ABI2: variants seen among roughly 807,000 people sequenced by gnomAD.
The protein encoded by ABI2 is abelson interactor 2.
A neutral mutation model predicts 59.2 loss-of-function variants in ABI2; 25 were observed. The observed-to-expected ratio is 0.42, with a 90% CI of 0.31 to 0.59. ABI2 has a LOEUF of 0.59. Ranked by LOEUF, ABI2 falls within the 20% of genes least tolerant of loss-of-function variation. The probability of loss-of-function intolerance (pLI) is 0.14; values close to 1 mark genes in which losing one functional copy is unlikely to be tolerated. For synonymous variants in ABI2, 213 were observed against 235.5 expected (o/e 0.90, Z 0.87); for missense variants, 545 against 681.8 (o/e 0.80, Z 2.23).
intron 10 of ABI2, among the ~76,000 whole-genome samples, chr2:203,413,231 T>C (rs2097754612): frequency 6.6e-6 from 1 of 152,166 alleles, no homozygotes; most frequent in Admixed American, 6.5e-5. Context: ...ACACGAATGT[T>C]TGTATAGCAA....
chr2:203,375,943 G>T, intron 2 of ABI2: 2 of 747,488 alleles, frequency 2.7e-6, no homozygotes, highest in Admixed American at 5.1e-5. Flanking sequence ...CAATACTGCA[G>T]TTCAACCCCG....
rs2098447001 is a variant in ABI2 at position 203,427,227 on chromosome 2, C to G, written c.1504C>G (p.Gln502Glu). 1 of 1,613,882 alleles carries G rather than the reference C, an allele frequency of 6.2e-7. No individual in the cohort carries two copies. The highest frequency in any genetic ancestry group is 8.5e-7 in the Non-Finnish European group (1 of 1,180,006). The change falls in exon 12 of 12, where the codon CAG becomes GAG. Residue 502 changes from glutamine (Q) to glutamate (E), a missense_variant. By Grantham distance (29) the Gln-to-Glu change is conservative. Around this residue, in one of 4 missense-constraint regions of ABI2, gnomAD observed 44 missense variants for 106.4 expected, o/e 0.41. Transcript: ENST00000261018. ...TKDKEDELSF[Q>E]EGAIIYVIKK... ...AGACAAGGAAGATGAGCTGTCCTTT[C>G]AGGAAGGAGCCATTATTTATGTCAT...
At chr2:203,415,270 A>C (rs2097845315) in intron 10 of ABI2, among the ~76,000 whole-genome samples, 1 of 152,194 alleles carries the variant, frequency 6.6e-6, no homozygotes, top group South Asian at 2.1e-4. Flanking sequence ...AATACTGATA[A>C]GACAGCATGG....
chr2:203,375,222 A>G (rs1389432215), intron 2 of ABI2, among the ~76,000 whole-genome samples: 4 of 152,216 alleles, frequency 2.6e-5, no homozygotes, highest in Admixed American at 6.5e-5. Flanking sequence ...GTCCTATACA[A>G]TTGCAGTGAT....
At position 203,348,920 on chromosome 2, in the gene ABI2, TTTTGTTTG is replaced by T. The variant is rs377359440; in HGVS notation, c.118-17937_118-17930del. On this transcript the variant is annotated intron_variant, in intron 1 of 11. Coordinates refer to ENST00000261018, the MANE Select transcript of ABI2 (RefSeq NM_001375670.1). ...CTTGCTGAAGGTGTTTTTTTTTGTT[TTTTGTTTG>T]TTTGTTTGTTTGTTTGTTTTTGAGA... 9.9e-4 allele frequency among the ~76,000 whole-genome samples: 151 copies of T among 152,052 alleles called. 2 individuals carry two copies. In the East Asian group the frequency reaches 0.018, roughly 18 times the overall value.
At chr2:203,351,609 C>T (rs1472685513) in intron 1 of ABI2, 7 of 433,330 alleles carry the variant, frequency 1.6e-5, no homozygotes, top group Non-Finnish European at 3.2e-5. Context: ...GATCATAGCT[C>T]ACTGCAGCCT....
intron 2 of ABI2, among the ~76,000 whole-genome samples, chr2:203,376,799 A>T (rs2095732289): frequency 7.2e-6 from 1 of 138,532 alleles, no homozygotes; most frequent in African/African-American, 2.7e-5. Context: ...TTGTGTGTAT[A>T]TGAAGAGAAC....
chr2:203,379,113 A>G (rs1049808881), intron 2 of ABI2, among the ~76,000 whole-genome samples: 1 of 152,218 alleles, frequency 6.6e-6, no homozygotes, highest in African/African-American at 2.4e-5. Flanking sequence ...TTGTAATTAC[A>G]ATACATTCTT....
intron 11 of ABI2, among the ~76,000 whole-genome samples, chr2:203,424,906 C>T (rs1372248585): frequency 6.6e-6 from 1 of 152,096 alleles, no homozygotes; most frequent in Non-Finnish European, 1.5e-5. Flanking sequence ...CAGTCTCACT[C>T]TGTTACCCAG....
Position 203,380,259 on chromosome 2 carries a change from A to T in ABI2, c.337A>T (p.Thr113Ser), listed in dbSNP as rs369306670. 2.5e-6 allele frequency: 4 copies of T among 1,599,312 alleles called. No homozygotes were observed. Among genetic ancestry groups the T allele is most frequent in the Non-Finnish European group, 3.4e-6 (4 of 1,175,266 alleles). ...TGCAAGAAGAGAAATTGGTATTTTG[A>T]CTACCAATAAAAACACTTCAAGGAC... is the stretch of plus-strand genomic sequence containing the variant. The part of the protein sequence containing the change: ...KVARREIGIL[T>S]TNKNTSRTHK... Residue 113 changes from threonine to serine, a missense_variant, in exon 3 of 12, where the codon ACT becomes TCT. By Grantham distance (58) the Thr-to-Ser change is moderately conservative. This residue lies in a region of ABI2 where 36 missense variants were observed against 80.0 expected (regional missense o/e 0.45). Coordinates refer to ENST00000261018, the MANE Select transcript of ABI2 (RefSeq NM_001375670.1).
chr2:203,419,316 T>C (rs2098080693), intron 11 of ABI2, among the ~76,000 whole-genome samples: 1 of 151,500 alleles, frequency 6.6e-6, no homozygotes, highest in African/African-American at 2.4e-5. Context: ...TTCACGGTGG[T>C]CTTGATCTCC....
intron 1 of ABI2, among the ~76,000 whole-genome samples, chr2:203,343,682 C>T (rs778520211): frequency 1.3e-5 from 2 of 152,132 alleles, no homozygotes; most frequent in Non-Finnish European, 2.9e-5. Context: ...AGATTTAAAG[C>T]TCTCTGATTG....
intron 10 of ABI2, 139 bp from the exon 11 acceptor site, chr2:203,416,769 T>A (rs569502493): frequency 3.4e-6 from 3 of 880,232 alleles, no homozygotes; most frequent in African/African-American, 1.7e-5. Context: ...GGAAGACTTA[T>A]CTTGCTCATT....
intron 9 of ABI2, among the ~76,000 whole-genome samples, chr2:203,404,082 C>A (rs2097332915): frequency 6.6e-6 from 1 of 151,968 alleles, no homozygotes; most frequent in African/African-American, 2.4e-5. Flanking sequence ...ATTGTCCTAC[C>A]TACATATTTA....
chr2:203,341,101 A>G (rs1419750304), intron 1 of ABI2, among the ~76,000 whole-genome samples: 1 of 152,180 alleles, frequency 6.6e-6, no homozygotes, highest in Non-Finnish European at 1.5e-5. Flanking sequence ...TTGCTGATAC[A>G]TCACGTTCTT....
At chr2:203,373,731 T>C (rs1183882987) in intron 2 of ABI2, among the ~76,000 whole-genome samples, 8 of 152,290 alleles carry the variant, frequency 5.3e-5, no homozygotes, top group African/African-American at 1.9e-4. Flanking sequence ...TTAAATTAGT[T>C]AGCAGGTAAC....
intron 1 of ABI2, among the ~76,000 whole-genome samples, chr2:203,353,761 G>A (rs1295952197): frequency 6.6e-6 from 1 of 152,180 alleles, no homozygotes; most frequent in East Asian, 1.9e-4. Context: ...GCGTTCCAAA[G>A]TGTTGGGATT....
chr2:203,350,998 A>T (rs1314300859), intron 1 of ABI2, among the ~76,000 whole-genome samples: 1 of 152,010 alleles, frequency 6.6e-6, no homozygotes, highest in Admixed American at 6.6e-5. Context: ...TTACATTTAG[A>T]TCTTTGATCC....
intron 10 of ABI2, among the ~76,000 whole-genome samples, chr2:203,413,188 G>T (rs1559368986): frequency 6.6e-6 from 1 of 152,184 alleles, no homozygotes; most frequent in East Asian, 1.9e-4. Flanking sequence ...GCCAGATTTT[G>T]AAACTGACAT....
Sources: gnomAD v4.1 joint callset for allele counts (sites outside exome capture counted in the v4.1 genomes callset) on GRCh38, gnomAD v4.1.1 for gene constraint, gnomAD v4.1.1 regional missense constraint, MANE v1.5 for transcripts, NCBI Gene and HGNC (gene_info 2026-07-23, HGNC 2026-07-21) for gene names.